KLHDC10: variants seen among roughly 807,000 people sequenced by gnomAD.
The protein encoded by KLHDC10 is kelch domain-containing protein 10.
KLHDC10 carries 24 observed loss-of-function variants against 56.1 expected under a neutral mutation model. The ratio of observed to expected loss-of-function variants is 0.43; its 90% CI spans 0.31 to 0.60. The LOEUF is 0.60. Among genes scored for constraint, KLHDC10 ranks in the 20% least tolerant of loss-of-function variants. KLHDC10 has a pLI of 0.11. For missense variants in KLHDC10, 349 were observed against 567.0 expected, an observed-to-expected ratio of 0.62 and a Z score of 3.91; for synonymous variants, 188 against 207.1, an observed-to-expected ratio of 0.91 and a Z score of 0.79.
chr7:130,124,654 A>G, intron 6 of KLHDC10, 119 bp downstream of exon 6: 2 of 602,188 alleles, frequency 3.3e-6, no homozygotes, highest in East Asian at 5.3e-5. Flanking sequence ...ATTCCTCATT[A>G]ACACCTATTT....
intron 1 of KLHDC10, among the ~76,000 whole-genome samples, chr7:130,087,901 C>T (rs1331326078): frequency 6.6e-6 from 1 of 151,668 alleles, no homozygotes; most frequent in Non-Finnish European, 1.5e-5. Flanking sequence ...GCTGGGATTA[C>T]AGGTGCTCGC....
At chr7:130,100,609 GA>G (rs1217734640) in intron 2 of KLHDC10, among the ~76,000 whole-genome samples, 3 of 152,170 alleles carry the variant, frequency 2.0e-5, no homozygotes, top group Non-Finnish European at 4.4e-5. Flanking sequence ...GAATTGTTGA[GA>G]ACATGAAAAT....
intron 2 of KLHDC10, among the ~76,000 whole-genome samples, chr7:130,106,615 T>C (rs1796010928): frequency 6.6e-6 from 1 of 152,232 alleles, no homozygotes; most frequent in African/African-American, 2.4e-5. Context: ...ATATTTAATG[T>C]GTTCATTTTG....
rs1375440691 is a variant in KLHDC10, at chr7:130,110,479, G to A, written c.254-5966G>A. On this transcript the variant is annotated intron_variant, in intron 2 of 9. Transcript: ENST00000335420. ...ACCTGTAATCCCAGCACTTTGGGAG[G>A]CCCTGTGGTAGGAGATGCTTATATA... Among the ~76,000 whole-genome samples the A allele has an allele frequency of 3.3e-5, 5 of 152,230 alleles. No individual in the cohort carries two copies. The South Asian group carries it at 1.0e-3, about 32-fold the overall frequency.
intron 1 of KLHDC10, among the ~76,000 whole-genome samples, chr7:130,077,168 A>G (rs1795516339): frequency 6.6e-6 from 1 of 151,806 alleles, no homozygotes; most frequent in African/African-American, 2.4e-5. Context: ...CAGTCTGACC[A>G]ACATGGGGAA....
At chr7:130,072,475 G>T (rs1171181036) in intron 1 of KLHDC10, among the ~76,000 whole-genome samples, 1 of 152,138 alleles carries the variant, frequency 6.6e-6, no homozygotes, top group Non-Finnish European at 1.5e-5. Context: ...TTGTAAAGCG[G>T]GGTCATCAGT....
chr7:130,109,700 G>T (rs1050096432), intron 2 of KLHDC10, among the ~76,000 whole-genome samples: 1 of 152,156 alleles, frequency 6.6e-6, no homozygotes, highest in African/African-American at 2.4e-5. Flanking sequence ...GTGCAGTGGT[G>T]CAATCTCAGC....
chr7:130,105,516 A>G (rs1423256166), intron 2 of KLHDC10, among the ~76,000 whole-genome samples: 1 of 152,212 alleles, frequency 6.6e-6, no homozygotes, highest in African/African-American at 2.4e-5. Flanking sequence ...AAAATATACT[A>G]TATTATTCTA....
At chr7:130,075,117 G>A (rs1327181442) in intron 1 of KLHDC10, among the ~76,000 whole-genome samples, 1 of 152,158 alleles carries the variant, frequency 6.6e-6, no homozygotes, top group Non-Finnish European at 1.5e-5. Context: ...TATACACCCA[G>A]TAACGAACAG....
In KLHDC10 at chr7:130,130,337, C is replaced by CATATATATATAT. The variant is rs72380761; in HGVS notation, c.1120-194_1120-183dup. Among the ~76,000 whole-genome samples the CATATATATATAT allele has an allele frequency of 1.2e-3, 164 of 140,840 alleles. No individual in the cohort carries two copies. Among genetic ancestry groups the CATATATATATAT allele is most frequent in the African/African-American group, 4.2e-3 (154 of 36,962 alleles). The allele number at this position is 140,840 out of a possible 152,430, so 92.4% of individuals were successfully genotyped here. On this transcript the variant is annotated intron_variant, in intron 9 of 9. Coordinates refer to ENST00000335420, the MANE Select transcript of KLHDC10 (RefSeq NM_014997.4). This position sits in a 1 kb window ranked among gnomAD's most constrained non-coding sequence, Gnocchi z 4.2. Reference sequence around the variant, plus strand: ...ACTCTGTCTCAAAAAAAAAAAAAATCATATATATATATATATAGTTTTTCC... The same window carrying CATATATATATAT: ...ACTCTGTCTCAAAAAAAAAAAAAATCATATATATATATATATATATATATATATAGTTTTTCC...
At chr7:130,079,616 A>G (rs1405527279) in intron 1 of KLHDC10, among the ~76,000 whole-genome samples, 1 of 152,158 alleles carries the variant, frequency 6.6e-6, no homozygotes, top group Non-Finnish European at 1.5e-5. Context: ...GAAATTTTGC[A>G]TCACTCCTCA....
rs1342515090 is a variant in KLHDC10, at chr7:130,116,391, T to C, written c.254-54T>C. On this transcript the variant is annotated intron_variant, in intron 2 of 9. Transcript: ENST00000335420. The surrounding 1 kb of genome is among the most constrained non-coding windows in gnomAD (Gnocchi z 4.8). ...TAAAATGGTTGTTACCTAATTTTGT[T>C]TGTGCTTTTAAACTGGTAGGACACC... The C allele has an allele frequency of 1.4e-6, 2 of 1,404,738 alleles. No individual in the cohort carries two copies. The allele number at this position is 1,404,738 out of a possible 1,614,324, so 87.0% of individuals were successfully genotyped here. A position where few individuals can be genotyped will look rare whatever the true frequency, so the allele number is the denominator to read the frequency against.
At chr7:130,087,274 C>A (rs1297538879) in intron 1 of KLHDC10, among the ~76,000 whole-genome samples, 1 of 152,186 alleles carries the variant, frequency 6.6e-6, no homozygotes, top group African/African-American at 2.4e-5. Flanking sequence ...GTCTTACTTT[C>A]CTGACCCATT....
intron 6 of KLHDC10, 82 bp from the exon 7 acceptor site, chr7:130,125,783 C>G (rs1052544041): frequency 3.6e-6 from 4 of 1,098,010 alleles, no homozygotes; most frequent in Non-Finnish European, 5.3e-6. Flanking sequence ...AAAACAAAGT[C>G]TATTTTTTAA....
chr7:130,075,806 C>T (rs1003039948), intron 1 of KLHDC10, among the ~76,000 whole-genome samples: 1 of 152,054 alleles, frequency 6.6e-6, no homozygotes, highest in African/African-American at 2.4e-5. Flanking sequence ...CTTTTGGTAA[C>T]GGAGTGGGTT....
rs772635716 is a variant in KLHDC10 at position 130,130,657 on chromosome 7, C to T, written c.1240C>T (p.Leu414Phe). ...SLLELAWEKL[L>F]AAFPNLANLS... ...GCTGGAACTGGCATGGGAGAAGCTG[C>T]TTGCGGCCTTCCCTAACCTTGCAAA... Residue 414 changes from leucine to phenylalanine, a missense_variant, in exon 10 of 10, where the codon CTT becomes TTT. By Grantham distance (22) the Leu-to-Phe change is conservative. Coordinates refer to ENST00000335420, the MANE Select transcript of KLHDC10 (RefSeq NM_014997.4). This position sits in a 1 kb window ranked among gnomAD's most constrained non-coding sequence, Gnocchi z 4.2. 1.9e-6 allele frequency: 3 copies of T among 1,614,028 alleles called. No homozygotes were observed. The highest frequency in any genetic ancestry group is 2.5e-6 in the Non-Finnish European group (3 of 1,180,030).
intron 1 of KLHDC10, among the ~76,000 whole-genome samples, chr7:130,073,091 G>C (rs1457605226): frequency 6.6e-6 from 1 of 151,834 alleles, no homozygotes; most frequent in Non-Finnish European, 1.5e-5. Context: ...TATAGCGGCT[G>C]GTCGTGGTGG....
At chr7:130,128,917 TATAC>T (rs1264305488) in intron 8 of KLHDC10, among the ~76,000 whole-genome samples, 11 of 124,810 alleles carry the variant, frequency 8.8e-5, no homozygotes, top group African/African-American at 3.3e-4. Flanking sequence ...TATATATATA[TATAC>T]ATACTAGCCA....
Position 130,130,401 on chromosome 7 carries a change from C to T in KLHDC10, c.1120-136C>T, listed in dbSNP as rs1291719086. 1.4e-5 allele frequency: 9 copies of T among 648,422 alleles called. No homozygotes were observed. The highest frequency in any genetic ancestry group is 2.0e-5 in the Non-Finnish European group (7 of 357,852). 40.2% of individuals were successfully genotyped at this position (648,422 alleles called of 1,614,324 possible). A position where few individuals can be genotyped will look rare whatever the true frequency, so the allele number is the denominator to read the frequency against. Reference sequence around the variant, plus strand: ...TAATTATTTAAACCCTCTTGATCTCCACATGGTATTGGGATCAGTGAGGAA... The same window carrying T: ...TAATTATTTAAACCCTCTTGATCTCTACATGGTATTGGGATCAGTGAGGAA... On this transcript the variant is annotated intron_variant, in intron 9 of 9. Coordinates refer to ENST00000335420, the MANE Select transcript of KLHDC10 (RefSeq NM_014997.4). This position sits in a 1 kb window ranked among gnomAD's most constrained non-coding sequence, Gnocchi z 4.2.
Sources: gnomAD v4.1 joint callset for allele counts (sites outside exome capture counted in the v4.1 genomes callset) on GRCh38, gnomAD v4.1.1 for gene constraint, Gnocchi (gnomAD v3.1) non-coding constraint, MANE v1.5 for transcripts, NCBI Gene and HGNC (gene_info 2026-07-23, HGNC 2026-07-21) for gene names.